The following HDX variants were observed in gnomAD, a reference collection of about 807,000 sequenced individuals.
HDX encodes chromosome X open reading frame 43.
A neutral mutation model predicts 45.2 loss-of-function variants in HDX; 19 were observed. That is an observed-to-expected ratio of 0.42 (90% CI 0.29 to 0.62). HDX has a LOEUF of 0.62. Among genes scored for constraint, HDX ranks in the 20% least tolerant of loss-of-function variants. The pLI, the probability that HDX is intolerant of heterozygous loss-of-function variation, is 0.20. For missense variants in HDX, 532 were observed against 493.9 expected (o/e 1.08, Z -0.73); for synonymous variants, 188 against 172.8 (o/e 1.09, Z -0.69).
chrX:84,351,516 AAGTCATTATCT>A (rs757763635), intron 6 of HDX, among the ~76,000 whole-genome samples: 21 of 111,113 alleles, frequency 1.9e-4, no homozygotes, highest in Non-Finnish European at 3.6e-4. Context: ...TGGAGTAAAG[AAGTCATTATCT>A]AAACATTTTC....
chrX:84,424,151 C>T (rs1569334089), intron 5 of HDX, among the ~76,000 whole-genome samples: 3 of 111,206 alleles, frequency 2.7e-5, no homozygotes, highest in South Asian at 3.7e-4. Flanking sequence ...ATACAAAAAT[C>T]GGTAGCATTT....
rs183704443 is a variant in HDX, at chrX:84,355,972, C to T, written c.1452+5494G>A. Among the ~76,000 whole-genome samples, 992 of 109,921 alleles carry T rather than the reference C, an allele frequency of 9.0e-3. 7 individuals carry two copies. Among genetic ancestry groups the T allele is most frequent in the Non-Finnish European group, 0.015 (805 of 52,764 alleles). On this transcript the variant is annotated intron_variant, in intron 6 of 10. Coordinates refer to ENST00000373177, the MANE Select transcript of HDX (RefSeq NM_001177479.2). ...AGTAAGTCGGTAAATAGGCACTAACCTGTAAATGGCATTTCAAGATGAAGA... is the reference window on the plus strand; with the variant it reads ...AGTAAGTCGGTAAATAGGCACTAACTTGTAAATGGCATTTCAAGATGAAGA...
intron 5 of HDX, among the ~76,000 whole-genome samples, chrX:84,371,124 C>T (rs2037884405): frequency 8.9e-6 from 1 of 111,759 alleles, no homozygotes; most frequent in South Asian, 3.7e-4. Flanking sequence ...CAACTGGTAA[C>T]AAATAGAAGC....
At chrX:84,470,020 T>G (rs1192959982) in intron 3 of HDX, among the ~76,000 whole-genome samples, 1 of 112,091 alleles carries the variant, frequency 8.9e-6, no homozygotes, top group African/African-American at 3.2e-5. Context: ...CATTAAGAAA[T>G]GCTCATAGTA....
chrX:84,377,179 A>G (rs2038076646), intron 5 of HDX, among the ~76,000 whole-genome samples: 1 of 112,386 alleles, frequency 8.9e-6, no homozygotes, highest in Non-Finnish European at 1.9e-5. Flanking sequence ...TGCAAGAATC[A>G]CAGCGTTATT....
intron 5 of HDX, among the ~76,000 whole-genome samples, chrX:84,402,917 T>A (rs1949165359): frequency 9.0e-6 from 1 of 111,536 alleles, no homozygotes; most frequent in Non-Finnish European, 1.9e-5. Context: ...AAAAATCACA[T>A]GGAATTTTCA....
chrX:84,454,171 C>T (rs2040063506), intron 4 of HDX, among the ~76,000 whole-genome samples: 1 of 111,343 alleles, frequency 9.0e-6, no homozygotes, highest in African/African-American at 3.3e-5. Flanking sequence ...GGGAAAGACA[C>T]CTTCTACTTG....
At chrX:84,434,636 C>T (rs748925407) in intron 5 of HDX, among the ~76,000 whole-genome samples, 23 of 109,953 alleles carry the variant, frequency 2.1e-4, no homozygotes, top group African/African-American at 6.9e-4. Context: ...TTTTCTTTTT[C>T]GGTTGTATCA....
At chrX:84,499,646 C>T (rs924642976) in intron 1 of HDX, among the ~76,000 whole-genome samples, 7 of 111,943 alleles carry the variant, frequency 6.3e-5, no homozygotes, top group Middle Eastern at 4.3e-3. Flanking sequence ...TTAAAACACC[C>T]TTCAGACTGC....
intron 5 of HDX, among the ~76,000 whole-genome samples, chrX:84,367,927 C>G: frequency 9.0e-6 from 1 of 111,630 alleles, no homozygotes; most frequent in South Asian, 3.8e-4. Context: ...TGCAGCAAAC[C>G]ACCATGGCAT....
intron 2 of HDX, among the ~76,000 whole-genome samples, chrX:84,478,612 T>C (rs1451400909): frequency 8.9e-6 from 1 of 112,059 alleles, no homozygotes; most frequent in Non-Finnish European, 1.9e-5. Context: ...ATGACGCATT[T>C]GGAGGCTGAG....
chrX:84,401,814 C>T (rs1244329640), intron 5 of HDX, among the ~76,000 whole-genome samples: 2 of 112,122 alleles, frequency 1.8e-5, no homozygotes, highest in Admixed American at 9.5e-5. Flanking sequence ...CCCAAATGCC[C>T]ATCAATGATA....
intron 4 of HDX, among the ~76,000 whole-genome samples, chrX:84,457,427 C>G (rs756737972): frequency 4.5e-5 from 5 of 111,775 alleles, no homozygotes; most frequent in African/African-American, 1.6e-4. Flanking sequence ...GTTTATAATA[C>G]TGGTGCAACA....
intron 6 of HDX, among the ~76,000 whole-genome samples, chrX:84,351,010 G>GCTATCTAT (rs199956764): frequency 8.1e-4 from 86 of 105,974 alleles, no homozygotes; most frequent in Middle Eastern, 4.9e-3. Flanking sequence ...ATTGATCCAG[G>GCTATCTAT]CTATCTATCT....
chrX:84,422,189 CTTCT>C (rs1230107934), intron 5 of HDX, among the ~76,000 whole-genome samples: 4 of 111,977 alleles, frequency 3.6e-5, no homozygotes, highest in Non-Finnish European at 5.6e-5. Flanking sequence ...TAACAAGCAT[CTTCT>C]TTGACAATGA....
intron 7 of HDX, among the ~76,000 whole-genome samples, chrX:84,343,498 G>A (rs1264118302): frequency 9.0e-6 from 1 of 110,689 alleles, no homozygotes; most frequent in Non-Finnish European, 1.9e-5. Context: ...ATGTTGCCCT[G>A]GCTGATTTCG....
intron 5 of HDX, among the ~76,000 whole-genome samples, chrX:84,398,361 A>T (rs778299358): frequency 3.9e-4 from 43 of 111,621 alleles, no homozygotes; most frequent in African/African-American, 1.3e-3. Flanking sequence ...CATAGGCTCA[A>T]AATAAAGGGA....
At chrX:84,358,346 A>G (rs1173771720) in intron 6 of HDX, among the ~76,000 whole-genome samples, 2 of 108,273 alleles carry the variant, frequency 1.8e-5, no homozygotes, top group Non-Finnish European at 3.9e-5. Flanking sequence ...ATATACGTAT[A>G]TAACTTTGAT....
At chrX:84,365,064 A>G (rs962446430) in intron 5 of HDX, among the ~76,000 whole-genome samples, 1 of 108,301 alleles carries the variant, frequency 9.2e-6, no homozygotes, top group Non-Finnish European at 1.9e-5. Flanking sequence ...TGCAGTAAAC[A>G]TTGGAGGGCA....
Sources: gnomAD v4.1 joint callset for allele counts (sites outside exome capture counted in the v4.1 genomes callset) on GRCh38, gnomAD v4.1.1 for gene constraint, MANE v1.5 for transcripts, NCBI Gene and HGNC (gene_info 2026-07-23, HGNC 2026-07-21) for gene names.